The following FRAS1 variants were observed in gnomAD, a reference collection of about 807,000 sequenced individuals.
The protein encoded by FRAS1 is extracellular matrix organizing protein FRAS1.
A neutral mutation model predicts 435.2 loss-of-function variants in FRAS1; 290 were observed. The observed-to-expected ratio is 0.67, with a 90% confidence interval of 0.61 to 0.73. The LOEUF is 0.73. FRAS1 is among the 30% of genes least tolerant of loss of function. The pLI is 0.00. For missense variants in FRAS1, 4,860 were observed against 5,001.5 expected, an observed-to-expected ratio of 0.97 and a Z score of 0.85; for synonymous variants, 1,800 against 1,851.0, an observed-to-expected ratio of 0.97 and a Z score of 0.71.
intron 2 of FRAS1, among the ~76,000 whole-genome samples, chr4:78,119,826 G>T (rs1302258386): frequency 6.6e-6 from 1 of 152,124 alleles, no homozygotes; most frequent in Non-Finnish European, 1.5e-5. Context: ...ACCAGTGTAT[G>T]GGAAACTCCA....
intron 2 of FRAS1, among the ~76,000 whole-genome samples, chr4:78,091,276 G>C (rs867221215): frequency 2.0e-5 from 3 of 152,018 alleles, no homozygotes; most frequent in Middle Eastern, 3.4e-3. Flanking sequence ...CCACTCCCTT[G>C]GGTCATGCCA....
rs113301188 is a variant in FRAS1, at chr4:78,407,676, T to C, written c.4143T>C (p.Leu1381=). Residue 1381 remains leucine, a synonymous_variant, in exon 31 of 74, where the codon CTT becomes CTC. Transcript: ENST00000512123. ...QDYPQFGEVV[L]LVNMPADSPA... ...GTGCCTTCCTAGGGGAGGTGGTCCT[T>C]CTAGTGAATATGCCTGCAGACAGCC... 1,844 of 1,611,986 alleles carry C rather than the reference T, an allele frequency of 1.1e-3. 18 individuals carry two copies. In the African/African-American group the frequency reaches 0.021, roughly 19 times the overall value.
chr4:78,278,046 G>C (rs7656032), intron 9 of FRAS1, among the ~76,000 whole-genome samples: 1 of 151,904 alleles, frequency 6.6e-6, no homozygotes, highest in Non-Finnish European at 1.5e-5. Flanking sequence ...TGATCCGCCC[G>C]CCTCGGCCTC....
rs1206253866 is a variant in FRAS1, at chr4:78,448,335, A to G, written c.6274+19A>G. ...TCAGCAGGTACCACAGAAATAAAGGAGAGTGGCCATGGTTTTTCTATCCTT... is the reference window on the plus strand; with the variant it reads ...TCAGCAGGTACCACAGAAATAAAGGGGAGTGGCCATGGTTTTTCTATCCTT... On this transcript the variant is annotated intron_variant, in intron 44 of 73. Transcript: ENST00000512123. 1 of 1,577,398 alleles carries G rather than the reference A, an allele frequency of 6.3e-7. No homozygotes were observed. The highest frequency in any genetic ancestry group is 1.8e-5 in the Admixed American group (1 of 55,896).
At chr4:78,488,246 C>T (rs1450681074) in intron 58 of FRAS1, among the ~76,000 whole-genome samples, 1 of 152,228 alleles carries the variant, frequency 6.6e-6, no homozygotes, top group Admixed American at 6.5e-5. Context: ...TACAAAATTT[C>T]TTTTCACTAT....
chr4:78,365,065 G>A (rs1211635205), intron 22 of FRAS1, among the ~76,000 whole-genome samples: 1 of 152,158 alleles, frequency 6.6e-6, no homozygotes, highest in African/African-American at 2.4e-5. Context: ...TGGAGAATAA[G>A]TTGTCAGTAT....
rs575391977 is a variant in FRAS1 at position 78,305,930 on chromosome 4, A to G, written c.1535-2136A>G. On this transcript the variant is annotated intron_variant, in intron 14 of 73. Transcript: ENST00000512123. ...ATGATGTTAGCTGCTTATTTTGCTC[A>G]TTAGTTGATGCAGTTTCCTCTTAGT... Among the ~76,000 whole-genome samples the G allele has an allele frequency of 2.7e-5, 4 of 150,352 alleles. No individual in the cohort carries two copies. The South Asian group carries it at 6.5e-4, about 24-fold the overall frequency.
chr4:78,183,157 A>G (rs1159126016), intron 2 of FRAS1, among the ~76,000 whole-genome samples: 1 of 152,150 alleles, frequency 6.6e-6, no homozygotes, highest in Non-Finnish European at 1.5e-5. Context: ...GGACTTGCAT[A>G]ATTCTTGGGT....
At chr4:78,259,547 T>A (rs1411737727) in intron 6 of FRAS1, among the ~76,000 whole-genome samples, 1 of 151,908 alleles carries the variant, frequency 6.6e-6, no homozygotes, top group Non-Finnish European at 1.5e-5. Context: ...CACTTTTTGA[T>A]AGGGTTGTTT....
chr4:78,400,584 A>G (rs1732844543), intron 29 of FRAS1, 150 bp from the exon 30 acceptor site: 5 of 669,744 alleles, frequency 7.5e-6, no homozygotes, highest in Admixed American at 3.3e-5. Flanking sequence ...TACACATAAT[A>G]CAAAGTCTAT....
At chr4:78,082,361 T>C (rs1394645559) in intron 2 of FRAS1, among the ~76,000 whole-genome samples, 1 of 152,170 alleles carries the variant, frequency 6.6e-6, no homozygotes, top group East Asian at 1.9e-4. Context: ...GAAATACATA[T>C]ATAAATTTAA....
At chr4:78,325,893 G>T (rs1729698500) in intron 18 of FRAS1, among the ~76,000 whole-genome samples, 1 of 152,214 alleles carries the variant, frequency 6.6e-6, no homozygotes, top group Non-Finnish European at 1.5e-5. Context: ...AAGAAGGTGA[G>T]AAAGGGCATT....
At position 78,454,305 on chromosome 4, in the gene FRAS1, G is replaced by A. The variant is rs182949960; in HGVS notation, c.6763+1951G>A. 4.2e-3 allele frequency among the ~76,000 whole-genome samples: 641 copies of A among 152,292 alleles called. 5 individuals carry two copies. The highest frequency in any genetic ancestry group is 0.015 in the African/African-American group (622 of 41,558). On this transcript the variant is annotated intron_variant, in intron 47 of 73. Transcript: ENST00000512123. ...GGTGGCTGCAGCAGAGTGAATGAAG[G>A]GGAGACTTGGAAGAGATGAGCTTTA... is the stretch of plus-strand genomic sequence containing the variant.
At chr4:78,518,937 A>G (rs1721300511) in intron 66 of FRAS1, among the ~76,000 whole-genome samples, 3 of 152,138 alleles carry the variant, frequency 2.0e-5, no homozygotes, top group Admixed American at 2.0e-4. Flanking sequence ...TCACTGGCAA[A>G]TGATCAATAC....
chr4:78,445,465 C>T (rs953416883), intron 41 of FRAS1, 57 bp from the exon 42 acceptor site: 2 of 1,459,806 alleles, frequency 1.4e-6, no homozygotes, highest in Non-Finnish European at 1.8e-6. Context: ...TCTAGTTCAG[C>T]CTAGTAAGCA....
intron 38 of FRAS1, among the ~76,000 whole-genome samples, chr4:78,435,093 C>T (rs1466497788): frequency 4.0e-5 from 6 of 151,794 alleles, no homozygotes; most frequent in Non-Finnish European, 8.8e-5. Context: ...CCTGTCTCTA[C>T]AAAAATACAA....
chr4:78,213,899 A>G (rs1723626335), intron 2 of FRAS1, among the ~76,000 whole-genome samples: 2 of 152,310 alleles, frequency 1.3e-5, no homozygotes, highest in South Asian at 4.1e-4. Flanking sequence ...GTGCTTTTTC[A>G]AGTTAGAAAC....
At chr4:78,472,424 C>T (rs1358108261) in intron 52 of FRAS1, 94 bp downstream of exon 52, 2 of 1,149,890 alleles carry the variant, frequency 1.7e-6, no homozygotes, top group East Asian at 2.6e-5. Context: ...CTTCCAGCTA[C>T]TTATGCCCAA....
chr4:78,237,749 G>T (rs537664999), intron 3 of FRAS1, 132 bp downstream of exon 3: 5 of 463,158 alleles, frequency 1.1e-5, no homozygotes, highest in Admixed American at 7.7e-5. Flanking sequence ...ATGCAGAAGA[G>T]AATTTTAACG....
Sources: gnomAD v4.1 joint callset for allele counts (sites outside exome capture counted in the v4.1 genomes callset) on GRCh38, gnomAD v4.1.1 for gene constraint, MANE v1.5 for transcripts, NCBI Gene and HGNC (gene_info 2026-07-23, HGNC 2026-07-21) for gene names.